Variants in IGF2R observed in about 807,000 individuals in gnomAD.
The protein encoded by IGF2R is insulin like growth factor 2 receptor.
A neutral mutation model predicts 270.6 loss-of-function variants in IGF2R; 91 were observed. That is an observed-to-expected ratio of 0.34 (90% confidence interval 0.28 to 0.40). The LOEUF (loss-of-function observed/expected upper bound fraction) is 0.40, where lower values mean the gene tolerates loss of function less well. Ranked by LOEUF, IGF2R falls within the 10% of genes least tolerant of loss-of-function variation. IGF2R has a pLI of 1.00. For missense variants in IGF2R, 2,805 were observed against 3,188.3 expected, an observed-to-expected ratio of 0.88 and a Z score of 2.90; for synonymous variants, 1,316 against 1,258.9, an observed-to-expected ratio of 1.05 and a Z score of -0.96.
rs1165349668 is a variant in IGF2R, at chr6:160,064,537, C to T, written c.4017+6C>T. 1 of 1,613,832 alleles carries T rather than the reference C, an allele frequency of 6.2e-7. No individual in the cohort carries two copies. Among genetic ancestry groups the T allele is most frequent in the East Asian group, 2.2e-5 (1 of 44,868 alleles). On this transcript the variant is annotated splice_donor_region_variant and intron_variant, in intron 28 of 47. Coordinates refer to ENST00000356956, the MANE Select transcript of IGF2R (RefSeq NM_000876.4). ...GTGACCGCGGCACCCAGCGGGTGAG[C>T]ATGTACCGACGGCCCTCAGCGGGGT...
chr6:160,076,469 G>A (rs985531879), intron 36 of IGF2R, among the ~76,000 whole-genome samples: 1 of 152,126 alleles, frequency 6.6e-6, no homozygotes, highest in African/African-American at 2.4e-5. Context: ...TCCATTTTAT[G>A]TGCATTAAAA....
intron 1 of IGF2R, among the ~76,000 whole-genome samples, chr6:159,985,150 CAG>C (rs1783862841): frequency 6.6e-6 from 1 of 152,174 alleles, no homozygotes; most frequent in South Asian, 2.1e-4. Context: ...TTATGCCATA[CAG>C]AGTCTGTCCT....
chr6:160,032,429 A>G lies in IGF2R; in HGVS notation c.883-122A>G, dbSNP rs909864401. 3.5e-6 allele frequency: 3 copies of G among 845,850 alleles called. No homozygotes were observed. In the African/African-American group the frequency reaches 5.2e-5, roughly 15 times the overall value. 52.4% of individuals were successfully genotyped at this position (845,850 alleles called of 1,614,324 possible). ...GTTAGAGGCAATTATGATTCAAAAA[A>G]CAGAAACAGCAAAATGTAGAAACCT... On this transcript the variant is annotated intron_variant, in intron 7 of 47. Transcript: ENST00000356956.
intron 2 of IGF2R, among the ~76,000 whole-genome samples, chr6:160,000,753 T>TTG (rs1554236889): frequency 2.2e-5 from 3 of 138,128 alleles, no homozygotes; most frequent in Non-Finnish European, 3.2e-5. Flanking sequence ...TTTTTTTTTT[T>TTG]GAGACAGAAT....
rs2115275742 is a variant in IGF2R, at chr6:160,073,235, G to T, written c.4713G>T (p.Arg1571Ser). The change falls in exon 34 of 48, where the codon AGG (arginine) becomes AGT (serine). Residue 1571 changes from arginine to serine, a missense_variant. Physicochemically the swap from Arg to Ser is moderately radical, Grantham distance 110 (BLOSUM62 -1). Coordinates refer to ENST00000356956, the MANE Select transcript of IGF2R (RefSeq NM_000876.4). Reference sequence around the variant, plus strand: ...CAGGGGCCTGCTTTGGACAGACCAGGATTAGCGTGGGCAAGGCCAACAAGA... The same window carrying T: ...CAGGGGCCTGCTTTGGACAGACCAGTATTAGCGTGGGCAAGGCCAACAAGA... ...PGVGACFGQT[R>S]ISVGKANKRL... The T allele has an allele frequency of 6.2e-7, 1 of 1,614,262 alleles. No individual in the cohort carries two copies. The highest frequency in any genetic ancestry group is 8.5e-7 in the Non-Finnish European group (1 of 1,180,048).
At chr6:159,990,434 A>C (rs1372213722) in intron 1 of IGF2R, among the ~76,000 whole-genome samples, 1 of 152,076 alleles carries the variant, frequency 6.6e-6, no homozygotes, top group African/African-American at 2.4e-5. Context: ...CTCCTTGCTG[A>C]AAAAGAATGT....
At position 160,072,007 on chromosome 6, in the gene IGF2R, A is replaced by G. The variant is rs17847647; in HGVS notation, c.4541A>G (p.Asp1514Gly). The G allele has an allele frequency of 2.0e-5, 32 of 1,614,160 alleles. No homozygotes were observed. The East Asian group carries it at 6.9e-4, about 35-fold the overall frequency. Residue 1514 changes from aspartate (D) to glycine (G), a missense_variant, in exon 32 of 48, where the codon GAT becomes GGT. Physicochemically the swap from Asp to Gly is moderately conservative, Grantham distance 94. Transcript: ENST00000356956. ...TGTCCCATGAAGAGCAACGAGCATGATGACTGCCAGGTCACCAACCCAAGC... is the reference window on the plus strand; with the variant it reads ...TGTCCCATGAAGAGCAACGAGCATGGTGACTGCCAGGTCACCAACCCAAGC... Reference protein sequence around the residue: ...TACPMKSNEHDDCQVTNPSTG... With the variant: ...TACPMKSNEHGDCQVTNPSTG...
rs1309976629 is a variant in IGF2R at position 160,105,848 on chromosome 6, C to T, written c.*764C>T. Reference sequence around the variant, plus strand: ...GCCTGGGCGTACAGAGCACATTTGTCAGTATTTTTGCCGGCTGGTGAATTC... The same window carrying T: ...GCCTGGGCGTACAGAGCACATTTGTTAGTATTTTTGCCGGCTGGTGAATTC... On this transcript the variant is annotated 3_prime_UTR_variant, in exon 48 of 48. Coordinates refer to ENST00000356956, the MANE Select transcript of IGF2R (RefSeq NM_000876.4). 1 of 151,902 alleles carries T rather than the reference C, an allele frequency of 6.6e-6. No individual in the cohort carries two copies. Among genetic ancestry groups the T allele is most frequent in the Non-Finnish European group, 1.5e-5 (1 of 68,022 alleles). The allele number at this position is 151,902 out of a possible 1,614,324, so 9.4% of individuals were successfully genotyped here.
chr6:160,069,161 A>T (rs1002018053), intron 30 of IGF2R, among the ~76,000 whole-genome samples: 1 of 152,044 alleles, frequency 6.6e-6, no homozygotes, highest in African/African-American at 2.4e-5. Context: ...CTGAGACTGG[A>T]TGTCAGCTGT....
intron 10 of IGF2R, among the ~76,000 whole-genome samples, chr6:160,037,216 A>G (rs762572768): frequency 6.6e-6 from 1 of 152,176 alleles, no homozygotes; most frequent in Admixed American, 6.5e-5. Flanking sequence ...GGCTGTTTTC[A>G]TTATGATTGT....
At chr6:160,017,335 A>G (rs1465725405) in intron 4 of IGF2R, among the ~76,000 whole-genome samples, 1 of 152,230 alleles carries the variant, frequency 6.6e-6, no homozygotes, top group Non-Finnish European at 1.5e-5. Context: ...ATTCAAAGGA[A>G]ATGAACGAAG....
At chr6:160,048,048 C>G (rs781349948) in intron 17 of IGF2R, 141 bp downstream of exon 17, 6 of 686,868 alleles carry the variant, frequency 8.7e-6, no homozygotes, top group Non-Finnish European at 1.6e-5. Flanking sequence ...GCATTTTCAG[C>G]AGAGTGAATT....
At position 159,992,598 on chromosome 6, in the gene IGF2R, TCACACA is replaced by T. The variant is rs71033567; in HGVS notation, c.289+1302_289+1307del. ...AATTTGTCCATAGAAAAGAATGAAA[TCACACA>T]CACACACACACACACACACACACAC... On this transcript the variant is annotated intron_variant, in intron 2 of 47. Transcript: ENST00000356956. Among the ~76,000 whole-genome samples the T allele has an allele frequency of 1.2e-3, 178 of 146,258 alleles. 2 individuals are homozygous for T. The highest frequency in any genetic ancestry group is 3.4e-3 in the African/African-American group (136 of 40,034).
intron 1 of IGF2R, among the ~76,000 whole-genome samples, chr6:159,987,623 C>T (rs1783908321): frequency 6.6e-6 from 1 of 152,218 alleles, no homozygotes; most frequent in Non-Finnish European, 1.5e-5. Context: ...ATCTCCTGAC[C>T]TCGTGATCTG....
chr6:159,988,236 C>T (rs929900050), intron 1 of IGF2R, among the ~76,000 whole-genome samples: 14 of 152,030 alleles, frequency 9.2e-5, no homozygotes, highest in African/African-American at 3.1e-4. Context: ...GCATAGCAGG[C>T]CGGGCGCGGT....
At position 160,043,224 on chromosome 6, in the gene IGF2R, TCA is replaced by T; in HGVS notation, c.1560_1561del (p.His520GlnfsTer22). 1 of 1,614,192 alleles carries T rather than the reference TCA, an allele frequency of 6.2e-7. No individual in the cohort carries two copies. The highest frequency in any genetic ancestry group is 8.5e-7 in the Non-Finnish European group (1 of 1,180,020). On this transcript the variant is annotated frameshift_variant, in exon 12 of 48. Transcript: ENST00000356956. LOFTEE classifies it high-confidence loss of function. ...EKKHFFINIC[H>X]RVLQEGKARG... ...AGAAGCATTTTTTCATTAATATTTG[TCA>T]CAGAGTGCTGCAGGAAGGCAAGGCA...
chr6:160,059,106 C>G lies in IGF2R; in HGVS notation c.3091+8C>G, dbSNP rs1199717896. 3.1e-6 allele frequency: 5 copies of G among 1,611,428 alleles called. No individual in the cohort carries two copies. In the Admixed American group the frequency reaches 6.7e-5, roughly 22 times the overall value. Reference sequence around the variant, plus strand: ...GGCCTCTCTCTGCCAAAGGTGAGCTCAGAGCCATGTTGTTTTGTAGCTAAA... The same window carrying G: ...GGCCTCTCTCTGCCAAAGGTGAGCTGAGAGCCATGTTGTTTTGTAGCTAAA... On this transcript the variant is annotated splice_region_variant and intron_variant, in intron 22 of 47. Transcript: ENST00000356956.
At chr6:160,040,225 C>A (rs1777914206) in intron 10 of IGF2R, among the ~76,000 whole-genome samples, 1 of 152,156 alleles carries the variant, frequency 6.6e-6, no homozygotes, top group Non-Finnish European at 1.5e-5. Flanking sequence ...TGGGAGCTGA[C>A]CACAGCCCGG....
intron 4 of IGF2R, among the ~76,000 whole-genome samples, chr6:160,023,635 A>G (rs746649179): frequency 9.2e-5 from 14 of 152,160 alleles, no homozygotes; most frequent in Non-Finnish European, 1.6e-4. Context: ...AACTTCATTC[A>G]TGGTCATGCA....
Sources: allele counts gnomAD v4.1 joint callset (sites outside exome capture counted in the v4.1 genomes callset), GRCh38; gene constraint gnomAD v4.1.1; transcripts MANE v1.5; gene names NCBI Gene and HGNC (gene_info 2026-07-23, HGNC 2026-07-21).